Variants in KALRN observed in about 807,000 individuals in gnomAD.
KALRN encodes kalirin.
KALRN carries 70 observed loss-of-function variants against 353.7 expected under a neutral mutation model. That is an observed-to-expected ratio of 0.20 (90% CI 0.16 to 0.24). The LOEUF (loss-of-function observed/expected upper bound fraction) is 0.24, where lower values mean the gene tolerates loss of function less well. KALRN is among the 10% of genes least tolerant of loss of function. The pLI, the probability that KALRN is intolerant of heterozygous loss-of-function variation, is 1.00. For missense variants in KALRN, 2,791 were observed against 3,756.7 expected (o/e 0.74, Z 6.72); for synonymous variants, 1,391 against 1,434.8 (o/e 0.97, Z 0.69).
chr3:124,282,868 C>T (rs1404259106), intron 5 of KALRN, among the ~76,000 whole-genome samples: 1 of 152,188 alleles, frequency 6.6e-6, no homozygotes, highest in South Asian at 2.1e-4. Context: ...AGCCTGGCTC[C>T]CTGCATGGCC....
intron 33 of KALRN, among the ~76,000 whole-genome samples, chr3:124,539,925 G>A (rs1025288733): frequency 5.7e-5 from 8 of 140,046 alleles, no homozygotes; most frequent in Non-Finnish European, 1.1e-4. Context: ...TTTTTTTTGG[G>A]GGGGGGGACA....
intron 1 of KALRN, among the ~76,000 whole-genome samples, chr3:124,201,158 C>A (rs1003774767): frequency 5.3e-5 from 8 of 152,230 alleles, no homozygotes; most frequent in Non-Finnish European, 1.2e-4. Flanking sequence ...ACAAAGGCCA[C>A]GTATAAGACA....
intron 34 of KALRN, among the ~76,000 whole-genome samples, chr3:124,605,093 G>A (rs2077198593): frequency 1.3e-5 from 2 of 151,872 alleles, no homozygotes; most frequent in South Asian, 4.2e-4. Flanking sequence ...AGCCCAGGAG[G>A]CGAAAGTTGA....
At chr3:124,188,841 G>A (rs930078564) in intron 1 of KALRN, among the ~76,000 whole-genome samples, 1 of 152,170 alleles carries the variant, frequency 6.6e-6, no homozygotes, top group Non-Finnish European at 1.5e-5. Flanking sequence ...TAGCATATTT[G>A]TATTCGTACT....
intron 37 of KALRN, among the ~76,000 whole-genome samples, chr3:124,640,275 ATTCT>A (rs1365426189): frequency 2.5e-4 from 37 of 146,566 alleles, no homozygotes; most frequent in Admixed American, 6.3e-4. Context: ...AATGCATTCG[ATTCT>A]TTCTTTCTTT....
chr3:124,444,060 A>G (rs2093752933), intron 19 of KALRN, among the ~76,000 whole-genome samples: 2 of 152,244 alleles, frequency 1.3e-5, no homozygotes, highest in Non-Finnish European at 1.5e-5. Flanking sequence ...ATATGGCTGC[A>G]TAACAACCAA....
At position 124,596,554 on chromosome 3, in the gene KALRN, A is replaced by T. The variant is rs868791119; in HGVS notation, c.5182+33465A>T. Among the ~76,000 whole-genome samples the T allele has an allele frequency of 7.2e-4, 110 of 152,312 alleles. 1 individual carries two copies. The highest frequency in any genetic ancestry group is 3.4e-3 in the Middle Eastern group (1 of 294). On this transcript the variant is annotated intron_variant, in intron 34 of 59. Coordinates refer to ENST00000682506, the MANE Select transcript of KALRN (RefSeq NM_001388419.1). ...TATAAAAATTGAGATGCTTTACATTATTTTTTTGTACCAAGTCTTTGAAAT... is the reference window on the plus strand; with the variant it reads ...TATAAAAATTGAGATGCTTTACATTTTTTTTTTGTACCAAGTCTTTGAAAT...
intron 37 of KALRN, among the ~76,000 whole-genome samples, chr3:124,642,774 G>A (rs1349511654): frequency 7.2e-6 from 1 of 138,074 alleles, no homozygotes; most frequent in African/African-American, 2.7e-5. Context: ...GGTTCTTCTA[G>A]CATGCTTCTG....
Position 124,261,982 on chromosome 3 carries a change from G to A in KALRN, c.264-2516G>A, listed in dbSNP as rs1580201506. Among the ~76,000 whole-genome samples the A allele has an allele frequency of 3.3e-5, 5 of 152,092 alleles. No individual in the cohort carries two copies. The South Asian group carries it at 1.0e-3, about 32-fold the overall frequency. On this transcript the variant is annotated intron_variant, in intron 3 of 59. Transcript: ENST00000682506. ...AGAAGAAATATTTACAGGCCAAAAA[G>A]CAATAACTAGTAATCAAAGAAATGC...
At position 124,490,702 on chromosome 3, in the gene KALRN, G is replaced by C. The variant is rs753934958; in HGVS notation, c.4405G>C (p.Glu1469Gln). The change falls in exon 30 of 60, where the codon GAG becomes CAG. Residue 1469 changes from glutamate to glutamine, a missense_variant. Transcript: ENST00000682506. ...AAATGGATGTTTTTCAGGGTTCGAC[G>C]AGAACCTGGATGTGCAGGGGGAGTT... ...MHVSMLEGFD[E>Q]NLDVQGELIL... 1 of 1,612,634 alleles carries C rather than the reference G, an allele frequency of 6.2e-7. No homozygotes were observed. Among genetic ancestry groups the C allele is most frequent in the South Asian group, 1.1e-5 (1 of 90,978 alleles).
chr3:124,555,340 G>C (rs1036543864), intron 33 of KALRN, among the ~76,000 whole-genome samples: 1 of 151,978 alleles, frequency 6.6e-6, no homozygotes, highest in African/African-American at 2.4e-5. Context: ...CGTGCACCCG[G>C]AAGGCAGAGC....
intron 37 of KALRN, among the ~76,000 whole-genome samples, chr3:124,646,957 G>A (rs1708312): frequency 0.24 from 35,780 of 152,012 alleles, 4,535 homozygotes; most frequent in East Asian, 0.47. Flanking sequence ...TCTTTGGAAC[G>A]TTAAGACTGA....
chr3:124,224,233 T>A (rs1428702780), intron 1 of KALRN, among the ~76,000 whole-genome samples: 1 of 151,858 alleles, frequency 6.6e-6, no homozygotes, highest in Non-Finnish European at 1.5e-5. Context: ...TCCAGGATTT[T>A]TTTTTTTTAG....
chr3:124,266,492 G>T (rs2073567819), intron 4 of KALRN, among the ~76,000 whole-genome samples: 1 of 152,166 alleles, frequency 6.6e-6, no homozygotes, highest in Admixed American at 6.5e-5. Context: ...CAATACATCA[G>T]ATTAAATCAA....
rs140662889 is a variant in KALRN at position 124,430,828 on chromosome 3, C to G, written c.2829+53C>G. On this transcript the variant is annotated intron_variant, in intron 16 of 59. Coordinates refer to ENST00000682506, the MANE Select transcript of KALRN (RefSeq NM_001388419.1). ...CTCCCTTCGCCTTTCTGCTCTGTAC[C>G]TCAGGCAGGGTGATTCTCAGGTGTG... The G allele has an allele frequency of 3.5e-3, 5,546 of 1,571,434 alleles. 24 individuals are homozygous for G. Among genetic ancestry groups the G allele is most frequent in the Non-Finnish European group, 4.4e-3 (5,080 of 1,156,714 alleles).
chr3:124,079,985 C>T (rs974969095), intron 1 of KALRN: 1 of 469,212 alleles, frequency 2.1e-6, no homozygotes, highest in Admixed American at 2.4e-5. Flanking sequence ...ATTCTGATGT[C>T]ATGCTTCTCA....
chr3:124,606,690 A>G (rs544073576), intron 34 of KALRN, among the ~76,000 whole-genome samples: 10 of 152,332 alleles, frequency 6.6e-5, no homozygotes, highest in African/African-American at 2.4e-4. Flanking sequence ...GGAAGTTAAA[A>G]CAAATGATGG....
intron 1 of KALRN, among the ~76,000 whole-genome samples, chr3:124,190,481 A>G (rs1259227232): frequency 6.6e-6 from 1 of 152,138 alleles, no homozygotes; most frequent in East Asian, 1.9e-4. Flanking sequence ...CAGGCGTTTC[A>G]TTTATCTATT....
chr3:124,531,888 A>G (rs2109164148), intron 33 of KALRN, among the ~76,000 whole-genome samples: 1 of 152,292 alleles, frequency 6.6e-6, no homozygotes, highest in Non-Finnish European at 1.5e-5. Context: ...TCCATGAATG[A>G]TAGGTCTCAT....
Sources: gnomAD v4.1 joint callset for allele counts (sites outside exome capture counted in the v4.1 genomes callset) on GRCh38, gnomAD v4.1.1 for gene constraint, MANE v1.5 for transcripts, NCBI Gene and HGNC (gene_info 2026-07-23, HGNC 2026-07-21) for gene names.